The following PHLDA3 variants were observed in gnomAD, a reference collection of about 807,000 sequenced individuals.
PHLDA3 encodes the protein pleckstrin homology like domain family A member 3.
PHLDA3 carries 12 observed loss-of-function variants against 7.6 expected under a neutral mutation model. That is an observed-to-expected ratio of 1.58 (90% confidence interval 1.01 to 2.55). The LOEUF (loss-of-function observed/expected upper bound fraction) is 2.55, where lower values mean the gene tolerates loss of function less well. Ranked by LOEUF, PHLDA3 falls within the 30% of genes most tolerant of loss-of-function variation. The pLI is 0.00. For missense variants in PHLDA3, 177 were observed against 175.6 expected, an observed-to-expected ratio of 1.01 and a Z score of -0.05; for synonymous variants, 104 against 85.1, an observed-to-expected ratio of 1.22 and a Z score of -1.23.
rs764755069 is a variant in PHLDA3 at position 201,464,635 on chromosome 1, G to C, written c.*1606C>G. 29 of 152,074 alleles carry C rather than the reference G, an allele frequency of 1.9e-4. No individual in the cohort carries two copies. The highest frequency in any genetic ancestry group is 1.2e-3 in the Admixed American group (19 of 15,254). The allele number at this position is 152,074 out of a possible 1,614,324, so 9.4% of individuals were successfully genotyped here. ...CCACTGAGCCTCCTTGCTCCCTCCA[G>C]AGAGACCCTGTAGTAGGCCACTGCT... On this transcript the variant is annotated 3_prime_UTR_variant, in exon 2 of 2. Coordinates refer to ENST00000367311, the MANE Select transcript of PHLDA3 (RefSeq NM_012396.5).
rs1417780685 is a variant in PHLDA3, at chr1:201,465,765, G to T, written c.*476C>A. 2 of 154,826 alleles carry T rather than the reference G, an allele frequency of 1.3e-5. No individual in the cohort carries two copies. The highest frequency in any genetic ancestry group is 2.4e-5 in the African/African-American group (1 of 41,508). The allele number at this position is 154,826 out of a possible 1,614,324, so 9.6% of individuals were successfully genotyped here. A position where few individuals can be genotyped will look rare whatever the true frequency, so the allele number is the denominator to read the frequency against. On this transcript the variant is annotated 3_prime_UTR_variant, in exon 2 of 2. Coordinates refer to ENST00000367311, the MANE Select transcript of PHLDA3 (RefSeq NM_012396.5). Reference sequence around the variant, plus strand: ...CAGAGGCCATTCTGGAGTGGGCCTGGGTACCAGGCCCTGGGTACTCCTTTT... The same window carrying T: ...CAGAGGCCATTCTGGAGTGGGCCTGTGTACCAGGCCCTGGGTACTCCTTTT...
chr1:201,466,656 C>T (rs1571760922), intron 1 of PHLDA3: 1 of 152,200 alleles, frequency 6.6e-6, no homozygotes. Flanking sequence ...GGAGTGGCAT[C>T]TGGGGAAGAG....
At position 201,468,330 on chromosome 1, in the gene PHLDA3, C is replaced by CG; in HGVS notation, c.*62+10dup. On this transcript the variant is annotated intron_variant, in intron 1 of 1. Transcript: ENST00000367311. ...AAGGAGAGAAGAGGGCCCAGTCCCC[C>CG]GGGGGCTTACCTGCCTTGACCTCAG... 2 of 1,548,716 alleles carry CG rather than the reference C, an allele frequency of 1.3e-6. No individual in the cohort carries two copies. The highest frequency in any genetic ancestry group is 1.2e-5 in the South Asian group (1 of 85,962).
In PHLDA3 at chr1:201,469,152, T is replaced by C; in HGVS notation, c.-366A>G. The C allele has an allele frequency of 4.7e-6, 1 of 212,312 alleles. No individual in the cohort carries two copies. 13.2% of individuals were successfully genotyped at this position (212,312 alleles called of 1,614,324 possible). On this transcript the variant is annotated 5_prime_UTR_variant, in exon 1 of 2. Coordinates refer to ENST00000367311, the MANE Select transcript of PHLDA3 (RefSeq NM_012396.5). ...CTCTGTCTGCGCGCTGGGCGGCAGC[T>C]CGCGGGATGTGCCCTTACATGTTCC...
At chr1:201,468,301 A>C in intron 1 of PHLDA3, 40 bp downstream of exon 1, 1 of 1,235,452 alleles carries the variant, frequency 8.1e-7, no homozygotes, top group South Asian at 1.3e-5. Context: ...AAGAGAAGGG[A>C]GGGAAGGAGA....
chr1:201,468,285 A>C, intron 1 of PHLDA3, 56 bp downstream of exon 1: 6 of 1,145,870 alleles, frequency 5.2e-6, no homozygotes, highest in Non-Finnish European at 7.6e-6. Flanking sequence ...TTCTCTCTGT[A>C]GGGGAAAGAG....
rs759396149 is a variant in PHLDA3 at position 201,468,772 on chromosome 1, C to G, written c.15G>C (p.Ala5=). 2 of 1,559,796 alleles carry G rather than the reference C, an allele frequency of 1.3e-6. No individual in the cohort carries two copies. Among genetic ancestry groups the G allele is most frequent in the Non-Finnish European group, 1.7e-6 (2 of 1,160,822 alleles). ...CGCCCTCCTTGAGCACGGTAGCCGT[C>G]GCCGCCGCCGTCATGGGCGCCCCGA... MTAA[A]TATVLKEGVL... Residue 5 remains alanine (A), a synonymous_variant, in exon 1 of 2, where the codon GCG becomes GCC. Transcript: ENST00000367311.
chr1:201,466,919 C>T (rs1164412345), intron 1 of PHLDA3, among the ~76,000 whole-genome samples: 1 of 152,184 alleles, frequency 6.6e-6, no homozygotes, highest in Non-Finnish European at 1.5e-5. Context: ...CAGCTAGGCC[C>T]CCACCCCTTG....
In PHLDA3 at chr1:201,468,877, G is replaced by A. The variant is rs964104412; in HGVS notation, c.-91C>T. 48 of 1,333,902 alleles carry A rather than the reference G, an allele frequency of 3.6e-5. No individual in the cohort carries two copies. The highest frequency in any genetic ancestry group is 5.4e-4 in the Middle Eastern group (2 of 3,680). 82.6% of individuals were successfully genotyped at this position (1,333,902 alleles called of 1,614,324 possible). A position where few individuals can be genotyped will look rare whatever the true frequency, so the allele number is the denominator to read the frequency against. ...GCGCAGGATTCTGGCGCCCCGGGCT[G>A]GCAGGCCGTGCGCGCTGCCCACCTG... On this transcript the variant is annotated 5_prime_UTR_variant, in exon 1 of 2. Transcript: ENST00000367311.
Position 201,465,604 on chromosome 1 carries a change from G to A in PHLDA3, c.*637C>T. The A allele has an allele frequency of 6.4e-6, 1 of 155,196 alleles. No individual in the cohort carries two copies. Among genetic ancestry groups the A allele is most frequent in the Middle Eastern group, 5.2e-4 (1 of 1,928 alleles). 9.6% of individuals were successfully genotyped at this position (155,196 alleles called of 1,614,324 possible). On this transcript the variant is annotated 3_prime_UTR_variant, in exon 2 of 2. Transcript: ENST00000367311. ...TTCAGGCCGAACACCGCAGTGGGGG[G>A]AAGATGCGTAGAGGTGGGGGAAGAA...
Position 201,465,643 on chromosome 1 carries a change from G to GGGCC in PHLDA3, c.*594_*597dup, listed in dbSNP as rs1663643692. The GGGCC allele has an allele frequency of 6.5e-6, 1 of 154,946 alleles. No homozygotes were observed. Among genetic ancestry groups the GGGCC allele is most frequent in the South Asian group, 2.0e-4 (1 of 4,926 alleles). 9.6% of individuals were successfully genotyped at this position (154,946 alleles called of 1,614,324 possible). A position where few individuals can be genotyped will look rare whatever the true frequency, so the allele number is the denominator to read the frequency against. ...GTGGGGGAAGAAGTGTGCAAAGAAA[G>GGGCC]GGCCTGGATGGGTGGGGGTCCCAAA... On this transcript the variant is annotated 3_prime_UTR_variant, in exon 2 of 2. Transcript: ENST00000367311.
rs765009228 is a variant in PHLDA3 at position 201,468,685 on chromosome 1, G to T, written c.102C>A (p.Thr34=). ...QLWKRKRCVL[T]ERGLQLFEAK... is the part of the protein sequence containing the mutation. ...CCTCGAAGAGCTGCAGCCCGCGTTC[G>T]GTGAGGACGCAGCGCTTCCGCTTCC... Residue 34 remains threonine (T), a synonymous_variant, in exon 1 of 2, where the codon ACC becomes ACA. Coordinates refer to ENST00000367311, the MANE Select transcript of PHLDA3 (RefSeq NM_012396.5). The T allele has an allele frequency of 5.4e-5, 87 of 1,611,380 alleles. No individual in the cohort carries two copies. Among genetic ancestry groups the T allele is most frequent in the Non-Finnish European group, 7.1e-5 (84 of 1,179,686 alleles).
In PHLDA3 at chr1:201,465,944, C is replaced by A. The variant is rs1463533716; in HGVS notation, c.*297G>T. 1.3e-5 allele frequency: 2 copies of A among 154,996 alleles called. No homozygotes were observed. Among genetic ancestry groups the A allele is most frequent in the Non-Finnish European group, 1.5e-5 (1 of 68,372 alleles). 9.6% of individuals were successfully genotyped at this position (154,996 alleles called of 1,614,324 possible). The stretch of plus-strand genomic sequence containing the variant: ...AGGGAGGGGGCTCCTATGCCAGCTC[C>A]CCCTCATGCCATATGAGGCCAGGCC... On this transcript the variant is annotated 3_prime_UTR_variant, in exon 2 of 2. Coordinates refer to ENST00000367311, the MANE Select transcript of PHLDA3 (RefSeq NM_012396.5).
rs1663754254 is a variant in PHLDA3, at chr1:201,468,869, C to T, written c.-83G>A. The T allele has an allele frequency of 2.2e-6, 3 of 1,362,234 alleles. No homozygotes were observed. The Admixed American group carries it at 1.2e-4, about 53-fold the overall frequency. 84.4% of individuals were successfully genotyped at this position (1,362,234 alleles called of 1,614,324 possible). On this transcript the variant is annotated 5_prime_UTR_variant, in exon 1 of 2. Transcript: ENST00000367311. The stretch of plus-strand genomic sequence containing the variant: ...GCCCCGCAGCGCAGGATTCTGGCGC[C>T]CCGGGCTGGCAGGCCGTGCGCGCTG...
rs1489851582 is a variant in PHLDA3 at position 201,468,698 on chromosome 1, C to A, written c.89G>T (p.Arg30Leu). Reference protein sequence around the residue: ...GGLLQLWKRKRCVLTERGLQL... With the variant: ...GGLLQLWKRKLCVLTERGLQL... ...CAGCCCGCGTTCGGTGAGGACGCAGCGCTTCCGCTTCCACAGCTGCAGCAG... is the reference window on the plus strand; with the variant it reads ...CAGCCCGCGTTCGGTGAGGACGCAGAGCTTCCGCTTCCACAGCTGCAGCAG... The change falls in exon 1 of 2, where the codon CGC (arginine) becomes CTC (leucine). Residue 30 changes from arginine (R) to leucine (L), a missense_variant. By Grantham distance (102) the Arg-to-Leu change is moderately radical. Coordinates refer to ENST00000367311, the MANE Select transcript of PHLDA3 (RefSeq NM_012396.5). 6.2e-7 allele frequency: 1 copy of A among 1,609,132 alleles called. No individual in the cohort carries two copies. The highest frequency in any genetic ancestry group is 1.1e-5 in the South Asian group (1 of 90,976).
Position 201,469,174 on chromosome 1 carries a change from T to G in PHLDA3, c.-388A>C. On this transcript the variant is annotated 5_prime_UTR_variant, in exon 1 of 2. Coordinates refer to ENST00000367311, the MANE Select transcript of PHLDA3 (RefSeq NM_012396.5). The stretch of plus-strand genomic sequence containing the variant: ...AGCTCGCGGGATGTGCCCTTACATG[T>G]TCCGCCGCTCGCCTCCTGCGCCGCC... 5 of 174,790 alleles carry G rather than the reference T, an allele frequency of 2.9e-5. No individual in the cohort carries two copies. Among genetic ancestry groups the G allele is most frequent in the Non-Finnish European group, 4.8e-5 (4 of 83,156 alleles). The allele number at this position is 174,790 out of a possible 1,614,324, so 10.8% of individuals were successfully genotyped here.
At chr1:201,468,313 A>T in intron 1 of PHLDA3, 28 bp downstream of exon 1, 1 of 1,385,146 alleles carries the variant, frequency 7.2e-7, no homozygotes, top group Non-Finnish European at 1.0e-6. Context: ...GGAAGGAGAG[A>T]AGAGGGCCCA....
Position 201,464,953 on chromosome 1 carries a change from A to G in PHLDA3, c.*1288T>C, listed in dbSNP as rs865918849. 1 of 152,208 alleles carries G rather than the reference A, an allele frequency of 6.6e-6. No individual in the cohort carries two copies. Among genetic ancestry groups the G allele is most frequent in the Admixed American group, 6.5e-5 (1 of 15,272 alleles). The allele number at this position is 152,208 out of a possible 1,614,324, so 9.4% of individuals were successfully genotyped here. On this transcript the variant is annotated 3_prime_UTR_variant, in exon 2 of 2. Coordinates refer to ENST00000367311, the MANE Select transcript of PHLDA3 (RefSeq NM_012396.5). ...TCAGCCTCCCCCAGTAGCTGGGGCT[A>G]TAGGTGTGTGCCACCTCACCTGGCT... is the stretch of plus-strand genomic sequence containing the variant.
At position 201,468,043 on chromosome 1, in the gene PHLDA3, T is replaced by C. The variant is rs555806528; in HGVS notation, c.*62+298A>G. 5.4e-4 allele frequency among the ~76,000 whole-genome samples: 82 copies of C among 152,276 alleles called. 1 individual carries two copies. In the South Asian group the frequency reaches 0.016, roughly 29 times the overall value. On this transcript the variant is annotated intron_variant, in intron 1 of 1. Coordinates refer to ENST00000367311, the MANE Select transcript of PHLDA3 (RefSeq NM_012396.5). ...CTCCCTCTACTTCCTTCCACCTGAGTCAGGGCTGAACCAACTTGAAAGAAG... is the reference window on the plus strand; with the variant it reads ...CTCCCTCTACTTCCTTCCACCTGAGCCAGGGCTGAACCAACTTGAAAGAAG...
Sources: allele counts gnomAD v4.1 joint callset (sites outside exome capture counted in the v4.1 genomes callset), GRCh38; gene constraint gnomAD v4.1.1; transcripts MANE v1.5; gene names NCBI Gene and HGNC (gene_info 2026-07-23, HGNC 2026-07-21).